Variants in CATSPER2 observed in about 807,000 individuals in gnomAD.
CATSPER2 encodes cation channel sperm associated 2.
Under a neutral mutation model 68.8 loss-of-function variants are expected in CATSPER2, and 56 were observed. The observed-to-expected ratio is 0.81, with a 90% CI of 0.66 to 1.02. The LOEUF (loss-of-function observed/expected upper bound fraction) is 1.02. Ranked by LOEUF, CATSPER2 falls within the 50% of genes least tolerant of loss-of-function variation. The probability of loss-of-function intolerance (pLI) is 0.00; values close to 1 mark genes in which losing one functional copy is unlikely to be tolerated. For synonymous variants in CATSPER2, 198 were observed against 229.9 expected (o/e 0.86, Z 1.26); for missense variants, 582 against 642.0 (o/e 0.91, Z 1.01).
chr15:43,647,194 T>C lies in CATSPER2; in HGVS notation c.320-76A>G, dbSNP rs2086183871. 3 of 1,564,030 alleles carry C rather than the reference T, an allele frequency of 1.9e-6. No homozygotes were observed. The Admixed American group carries it at 5.0e-5, about 26-fold the overall frequency. On this transcript the variant is annotated intron_variant, in intron 3 of 12. Transcript: ENST00000396879. Reference sequence around the variant, plus strand: ...AGCTGAAATAATAAGAGCAATAACATAAGCAGTGAAAATGAGACAGTGGAG... The same window carrying C: ...AGCTGAAATAATAAGAGCAATAACACAAGCAGTGAAAATGAGACAGTGGAG...
intron 4 of CATSPER2, among the ~76,000 whole-genome samples, chr15:43,640,760 C>T (rs1420717811): frequency 1.3e-5 from 2 of 151,820 alleles, no homozygotes; most frequent in Admixed American, 1.3e-4. Context: ...TTGCGATCCA[C>T]TCTGGGGCTC....
chr15:43,647,398 T>G lies in CATSPER2; in HGVS notation c.215A>C (p.Gln72Pro). The G allele has an allele frequency of 6.2e-7, 1 of 1,613,508 alleles. No individual in the cohort carries two copies. The highest frequency in any genetic ancestry group is 8.5e-7 in the Non-Finnish European group (1 of 1,179,584). The change falls in exon 3 of 13, where the codon CAG becomes CCG. Residue 72 changes from glutamine (Q) to proline (P), a missense_variant. Gln to Pro is a moderately conservative substitution (Grantham distance 76). Coordinates refer to ENST00000396879, the MANE Select transcript of CATSPER2 (RefSeq NM_172095.4). Reference sequence around the variant, plus strand: ...GGCATGTGAAATCTGTTCTATACGCTGAGGCTTTATAGAGAAACGCACTAG... The same window carrying G: ...GGCATGTGAAATCTGTTCTATACGCGGAGGCTTTATAGAGAAACGCACTAG... The part of the protein sequence containing the change: ...HQLVRFSIKP[Q>P]RIEQISHAQR...
chr15:43,641,597 C>T (rs1203516511), intron 4 of CATSPER2, among the ~76,000 whole-genome samples: 1 of 151,634 alleles, frequency 6.6e-6, no homozygotes, highest in Non-Finnish European at 1.5e-5. Context: ...TTAAAGTCAT[C>T]CTGATGCTGA....
At chr15:43,647,495 G>A in intron 2 of CATSPER2, 28 bp from the exon 3 acceptor site, 3 of 1,606,436 alleles carry the variant, frequency 1.9e-6, no homozygotes, top group Middle Eastern at 1.7e-4. Flanking sequence ...AAGGGATAGT[G>A]GATAAATACA....
chr15:43,647,857 A>C, intron 2 of CATSPER2, 60 bp downstream of exon 2: 1 of 1,574,852 alleles, frequency 6.3e-7, no homozygotes, highest in Non-Finnish European at 8.7e-7. Context: ...TCCACTCTTA[A>C]ATGTAGAGGA....
At chr15:43,631,848 G>A (rs954645676) in intron 12 of CATSPER2, among the ~76,000 whole-genome samples, 5 of 151,912 alleles carry the variant, frequency 3.3e-5, no homozygotes, top group Admixed American at 6.6e-5. Flanking sequence ...GAGAATAAAC[G>A]TGCAGAAACT....
intron 8 of CATSPER2, 75 bp from the exon 9 acceptor site, chr15:43,635,901 C>T: frequency 7.2e-7 from 1 of 1,395,070 alleles, no homozygotes; most frequent in Non-Finnish European, 1.0e-6. Flanking sequence ...TGGGGAGAAT[C>T]CAAGTGAAAT....
chr15:43,634,872 G>A (rs2085936112), intron 10 of CATSPER2: 1 of 170,938 alleles, frequency 5.9e-6, no homozygotes, highest in African/African-American at 2.4e-5. Flanking sequence ...CAATTCTAGA[G>A]GCTAGAGTCT....
chr15:43,635,517 G>A, intron 9 of CATSPER2, 101 bp from the exon 10 acceptor site: 1 of 1,340,174 alleles, frequency 7.5e-7, no homozygotes, highest in South Asian at 1.2e-5. Context: ...AACTAATTGG[G>A]GAGAACAAAT....
In CATSPER2 at chr15:43,648,692, C is replaced by T; in HGVS notation, c.-66G>A. Reference sequence around the variant, plus strand: ...CACGCTTCCGCCTCCAGCTCAGGTGCCCCGAGCCTGGCTACCCCTATGCAA... The same window carrying T: ...CACGCTTCCGCCTCCAGCTCAGGTGTCCCGAGCCTGGCTACCCCTATGCAA... On this transcript the variant is annotated 5_prime_UTR_variant, in exon 1 of 13. Transcript: ENST00000396879. 1 of 1,452,906 alleles carries T rather than the reference C, an allele frequency of 6.9e-7. No homozygotes were observed. Among genetic ancestry groups the T allele is most frequent in the Non-Finnish European group, 9.0e-7 (1 of 1,105,740 alleles). The allele number at this position is 1,452,906 out of a possible 1,614,324, so 90.0% of individuals were successfully genotyped here.
chr15:43,639,795 G>C lies in CATSPER2; in HGVS notation c.565C>G (p.Leu189Val). The change falls in exon 6 of 13, where the codon CTG (leucine) becomes GTG (valine). Residue 189 changes from leucine (L) to valine (V), a missense_variant. Coordinates refer to ENST00000396879, the MANE Select transcript of CATSPER2 (RefSeq NM_172095.4). The stretch of plus-strand genomic sequence containing the variant: ...ACCAATACCACAACCTCGGGAAGCA[G>C]GGACTGTGGAAAACACACAGGTTAT... ...VFDFVVTMLS[L>V]LPEVVVLVGV... The C allele has an allele frequency of 3.7e-6, 6 of 1,611,700 alleles. No individual in the cohort carries two copies. Among genetic ancestry groups the C allele is most frequent in the Non-Finnish European group, 5.1e-6 (6 of 1,178,340 alleles).
intron 7 of CATSPER2, 117 bp downstream of exon 7, chr15:43,638,787 T>C (rs1274794752): frequency 1.6e-6 from 2 of 1,226,448 alleles, no homozygotes; most frequent in East Asian, 2.4e-5. Context: ...CCCTATTGTG[T>C]TCTATTTCAG....
intron 4 of CATSPER2, among the ~76,000 whole-genome samples, chr15:43,641,643 A>G (rs1198010967): frequency 1.3e-5 from 2 of 151,918 alleles, no homozygotes; most frequent in Non-Finnish European, 1.5e-5. Context: ...ACAATACTTC[A>G]ATCATCCCTA....
rs1317445673 is a variant in CATSPER2 at position 43,648,733 on chromosome 15, G to A, written c.-107C>T. On this transcript the variant is annotated 5_prime_UTR_variant, in exon 1 of 13. Coordinates refer to ENST00000396879, the MANE Select transcript of CATSPER2 (RefSeq NM_172095.4). ...CCCTATGCAAGACGAGCTCAGGGCC[G>A]GCTCCCAGCCTCACTGCGCCCCATT... 17 of 1,516,572 alleles carry A rather than the reference G, an allele frequency of 1.1e-5. No homozygotes were observed. Among genetic ancestry groups the A allele is most frequent in the East Asian group, 2.5e-5 (1 of 39,286 alleles). 93.9% of individuals were successfully genotyped at this position (1,516,572 alleles called of 1,614,324 possible). A position where few individuals can be genotyped will look rare whatever the true frequency, so the allele number is the denominator to read the frequency against.
intron 3 of CATSPER2, 83 bp downstream of exon 3, chr15:43,647,211 A>G: frequency 1.3e-6 from 2 of 1,568,894 alleles, no homozygotes; most frequent in Admixed American, 3.3e-5. Context: ...TGAAAATGAG[A>G]CAGTGGAGTA....
At chr15:43,635,488 C>A in intron 9 of CATSPER2, 72 bp from the exon 10 acceptor site, 2 of 1,524,290 alleles carry the variant, frequency 1.3e-6, no homozygotes, top group South Asian at 2.3e-5. Flanking sequence ...AAAAAAAGTT[C>A]ATATCAGAAA....
chr15:43,633,289 T>C (rs570008190), intron 10 of CATSPER2: 43 of 331,050 alleles, frequency 1.3e-4, no homozygotes, highest in African/African-American at 8.1e-4. Context: ...TGTTCTTCTA[T>C]CAACACAGCA....
At chr15:43,645,961 C>A (rs577909694) in intron 4 of CATSPER2, among the ~76,000 whole-genome samples, 1 of 152,100 alleles carries the variant, frequency 6.6e-6, no homozygotes, top group South Asian at 2.1e-4. Context: ...GTTTCAGAAT[C>A]ATTTCCTTTT....
rs1323256114 is a variant in CATSPER2 at position 43,630,472 on chromosome 15, A to G, written c.*229T>C. 4 of 852,220 alleles carry G rather than the reference A, an allele frequency of 4.7e-6. No homozygotes were observed. The highest frequency in any genetic ancestry group is 7.0e-6 in the Non-Finnish European group (4 of 575,210). The allele number at this position is 852,220 out of a possible 1,614,324, so 52.8% of individuals were successfully genotyped here. A position where few individuals can be genotyped will look rare whatever the true frequency, so the allele number is the denominator to read the frequency against. ...CAGGTTCAAGTGATTCTCCTGCCTCAGGCTCCCAAGTAGCTATGATTACAA... is the reference window on the plus strand; with the variant it reads ...CAGGTTCAAGTGATTCTCCTGCCTCGGGCTCCCAAGTAGCTATGATTACAA... On this transcript the variant is annotated 3_prime_UTR_variant, in exon 13 of 13. Coordinates refer to ENST00000396879, the MANE Select transcript of CATSPER2 (RefSeq NM_172095.4).
Sources: gnomAD v4.1 joint callset for allele counts (sites outside exome capture counted in the v4.1 genomes callset) on GRCh38, gnomAD v4.1.1 for gene constraint, MANE v1.5 for transcripts, NCBI Gene and HGNC (gene_info 2026-07-23, HGNC 2026-07-21) for gene names.